NEK7: variants seen among roughly 807,000 people sequenced by gnomAD.
NEK7 encodes the protein NIMA related kinase 7, also known as serine/threonine-protein kinase Nek7.
In NEK7, 18 loss-of-function variants were observed where a neutral mutation model predicts 44.6. The observed-to-expected ratio is 0.40, with a 90% CI of 0.28 to 0.60. The LOEUF (loss-of-function observed/expected upper bound fraction) is 0.60, where lower values mean the gene tolerates loss of function less well. NEK7 is among the 20% of genes least tolerant of loss of function. NEK7 has a pLI of 0.38. For missense variants in NEK7, 256 were observed against 366.5 expected, an observed-to-expected ratio of 0.70 and a Z score of 2.46; for synonymous variants, 130 against 121.1, an observed-to-expected ratio of 1.07 and a Z score of -0.48.
chr1:198,252,325 G>A (rs1232568385), intron 2 of NEK7, among the ~76,000 whole-genome samples: 3 of 151,610 alleles, frequency 2.0e-5, no homozygotes, highest in African/African-American at 7.3e-5. Context: ...TAGGTGTGGT[G>A]TGGTGCTGAA....
chr1:198,271,427 G>A (rs2102966987), intron 5 of NEK7, among the ~76,000 whole-genome samples: 1 of 152,020 alleles, frequency 6.6e-6, no homozygotes, highest in South Asian at 2.1e-4. Context: ...ACCATGTTTT[G>A]GAGATAACTG....
In NEK7 at chr1:198,165,229, T is replaced by C. The variant is rs181771951; in HGVS notation, c.-29+7953T>C. Among the ~76,000 whole-genome samples the C allele has an allele frequency of 4.4e-3, 664 of 152,340 alleles. 3 individuals carry two copies. Among genetic ancestry groups the C allele is most frequent in the Non-Finnish European group, 7.3e-3 (496 of 68,034 alleles). On this transcript the variant is annotated intron_variant, in intron 1 of 9. Coordinates refer to ENST00000367385, the MANE Select transcript of NEK7 (RefSeq NM_133494.3). ...ACTTCTTCCAAACTCCTATTGACAT[T>C]GATATTTTGACTTCCTCCCATGAAT...
intron 2 of NEK7, among the ~76,000 whole-genome samples, chr1:198,247,731 G>C (rs1356124470): frequency 6.6e-6 from 1 of 151,444 alleles, no homozygotes; most frequent in Non-Finnish European, 1.5e-5. Flanking sequence ...TTTTTTAAGA[G>C]AAAACATTGG....
intron 1 of NEK7, among the ~76,000 whole-genome samples, chr1:198,174,923 A>G (rs1005809832): frequency 1.3e-5 from 2 of 152,020 alleles, no homozygotes; most frequent in African/African-American, 4.8e-5. Context: ...TACTGGGCTA[A>G]TATTTTAATT....
At position 198,320,838 on chromosome 1, in the gene NEK7, G is replaced by A. The variant is rs1388422715; in HGVS notation, c.*1316G>A. ...TTCTATTGAGAAGCTTTTGAGTAAA[G>A]TACTGTATTTGTTCATGAAGATGAC... On this transcript the variant is annotated 3_prime_UTR_variant, in exon 10 of 10. Coordinates refer to ENST00000367385, the MANE Select transcript of NEK7 (RefSeq NM_133494.3). The A allele has an allele frequency of 6.6e-6, 1 of 152,208 alleles. No individual in the cohort carries two copies. Among genetic ancestry groups the A allele is most frequent in the Non-Finnish European group, 1.5e-5 (1 of 68,040 alleles). The allele number at this position is 152,208 out of a possible 1,614,324, so 9.4% of individuals were successfully genotyped here. A position where few individuals can be genotyped will look rare whatever the true frequency, so the allele number is the denominator to read the frequency against.
intron 8 of NEK7, among the ~76,000 whole-genome samples, chr1:198,295,179 A>G (rs901452313): frequency 6.6e-6 from 1 of 151,978 alleles, no homozygotes; most frequent in Non-Finnish European, 1.5e-5. Context: ...CTTTTGCTAC[A>G]CGGACCTTTA....
chr1:198,212,056 G>A (rs978279397), intron 1 of NEK7, among the ~76,000 whole-genome samples: 6 of 152,188 alleles, frequency 3.9e-5, no homozygotes, highest in East Asian at 3.9e-4. Context: ...TGTGTCTTGC[G>A]TGCATTCCCA....
In NEK7 at chr1:198,278,017, T is replaced by A. The variant is rs1654069900; in HGVS notation, c.429T>A (p.Val143=). Residue 143 remains valine (V), a synonymous_variant, in exon 6 of 10, where the codon GTT becomes GTA. Transcript: ENST00000367385. The stretch of plus-strand genomic sequence containing the variant: ...AAAGAACTGTTTGGAAGTATTTTGT[T>A]CAGCTTTGCAGTGCATTGGAACACA... ...IPERTVWKYF[V]QLCSALEHMH... 6.2e-7 allele frequency: 1 copy of A among 1,608,248 alleles called. No individual in the cohort carries two copies. Among genetic ancestry groups the A allele is most frequent in the Non-Finnish European group, 8.5e-7 (1 of 1,175,756 alleles).
intron 1 of NEK7, among the ~76,000 whole-genome samples, chr1:198,229,458 G>T (rs954433320): frequency 8.5e-5 from 13 of 152,330 alleles, no homozygotes; most frequent in Non-Finnish European, 1.8e-4. Context: ...ACGTGGGTTG[G>T]TCAGAAATTC....
At position 198,193,371 on chromosome 1, in the gene NEK7, A is replaced by T. The variant is rs557392870; in HGVS notation, c.-29+36095A>T. On this transcript the variant is annotated intron_variant, in intron 1 of 9. Transcript: ENST00000367385. ...CCAGACAGATATACAGCTGAAATCTATGGGAGGTACAAAAAGGAGCTGGTA... is the reference window on the plus strand; with the variant it reads ...CCAGACAGATATACAGCTGAAATCTTTGGGAGGTACAAAAAGGAGCTGGTA... Among the ~76,000 whole-genome samples the T allele has an allele frequency of 2.0e-5, 3 of 152,304 alleles. No individual in the cohort carries two copies. The South Asian group carries it at 6.2e-4, about 32-fold the overall frequency.
chr1:198,218,874 C>G (rs541367920), intron 1 of NEK7, among the ~76,000 whole-genome samples: 257 of 151,976 alleles, frequency 1.7e-3, no homozygotes, highest in Middle Eastern at 6.8e-3. Context: ...CTTACCCCAG[C>G]CAGAATGGCC....
chr1:198,242,386 T>G (rs1002425100), intron 2 of NEK7, among the ~76,000 whole-genome samples: 8 of 140,072 alleles, frequency 5.7e-5, no homozygotes, highest in African/African-American at 2.3e-4. Context: ...TGCTTACCTC[T>G]TTTTCTTTCT....
intron 2 of NEK7, among the ~76,000 whole-genome samples, chr1:198,240,782 G>C (rs1179417776): frequency 6.6e-6 from 1 of 152,110 alleles, no homozygotes; most frequent in African/African-American, 2.4e-5. Context: ...TGCAACCTTT[G>C]CCACCTGGGT....
At position 198,277,979 on chromosome 1, in the gene NEK7, A is replaced by G; in HGVS notation, c.391A>G (p.Arg131Gly). The stretch of plus-strand genomic sequence containing the variant: ...CAAAAAGCATTTTAAGAAGCAAAAG[A>G]GGCTAATTCCTGAAAGAACTGTTTG... The part of the protein sequence containing the change: ...RMIKHFKKQK[R>G]LIPERTVWKY... The change falls in exon 6 of 10, where the codon AGG becomes GGG. Residue 131 changes from arginine to glycine, a missense_variant. Around this residue, in one of 3 missense-constraint regions of NEK7, gnomAD observed 102 missense variants for 205.2 expected, o/e 0.50. Transcript: ENST00000367385. The G allele has an allele frequency of 6.2e-7, 1 of 1,601,158 alleles. No homozygotes were observed.
chr1:198,209,014 C>T (rs1665682639), intron 1 of NEK7, among the ~76,000 whole-genome samples: 1 of 146,958 alleles, frequency 6.8e-6, no homozygotes, highest in Admixed American at 6.9e-5. Flanking sequence ...CTCTCTGATG[C>T]ATTAAAGCAT....
chr1:198,159,061 G>A (rs1289602671), intron 1 of NEK7, among the ~76,000 whole-genome samples: 1 of 152,224 alleles, frequency 6.6e-6, no homozygotes, highest in African/African-American at 2.4e-5. Flanking sequence ...GGGGAGGAAG[G>A]AGCCCGGGAG....
intron 1 of NEK7, among the ~76,000 whole-genome samples, chr1:198,204,214 TG>T (rs1665521169): frequency 6.6e-6 from 1 of 152,114 alleles, no homozygotes; most frequent in Non-Finnish European, 1.5e-5. Flanking sequence ...GAGCCGTGAT[TG>T]CACCACTGCA....
intron 1 of NEK7, among the ~76,000 whole-genome samples, chr1:198,205,948 A>G (rs2102804619): frequency 6.6e-6 from 1 of 152,210 alleles, no homozygotes; most frequent in South Asian, 2.1e-4. Context: ...GGTTTGGGGG[A>G]AAGAGGAGGG....
At chr1:198,284,728 T>G in intron 7 of NEK7, among the ~76,000 whole-genome samples, 1 of 152,252 alleles carries the variant, frequency 6.6e-6, no homozygotes. Context: ...GAGATAAGTA[T>G]CTTAATCATT....
Sources: allele counts gnomAD v4.1 joint callset (sites outside exome capture counted in the v4.1 genomes callset), GRCh38; gene constraint gnomAD v4.1.1; regional missense constraint gnomAD v4.1.1; transcripts MANE v1.5; gene names NCBI Gene and HGNC (gene_info 2026-07-23, HGNC 2026-07-21).